Variants in STAT3 observed in about 807,000 individuals in gnomAD.
The protein encoded by STAT3 is signal transducer and activator of transcription 3, also known as DNA-binding protein APRF.
STAT3 carries 7 observed loss-of-function variants against 114.3 expected under a neutral mutation model. That is an observed-to-expected ratio of 0.06 (90% CI 0.03 to 0.11). The LOEUF (loss-of-function observed/expected upper bound fraction) is 0.11, where lower values mean the gene tolerates loss of function less well. Ranked by LOEUF, STAT3 falls within the 10% of genes least tolerant of loss-of-function variation. STAT3 has a pLI of 1.00. For missense variants in STAT3, 364 were observed against 960.9 expected (o/e 0.38, Z 8.21); for synonymous variants, 331 against 354.5 (o/e 0.93, Z 0.74).
chr17:42,379,682 T>A (rs554943236), intron 1 of STAT3, among the ~76,000 whole-genome samples: 1 of 152,292 alleles, frequency 6.6e-6, no homozygotes, highest in South Asian at 2.1e-4. Context: ...ACTTTCTGGG[T>A]CGGGAGCAAT....
chr17:42,327,838 G>A (rs1598402492), intron 14 of STAT3, among the ~76,000 whole-genome samples: 1 of 152,072 alleles, frequency 6.6e-6, no homozygotes, highest in Non-Finnish European at 1.5e-5. Flanking sequence ...ACGAGGTCAG[G>A]AGTTCAAGAC....
At chr17:42,386,295 A>G (rs908647260) in intron 1 of STAT3, among the ~76,000 whole-genome samples, 1 of 151,860 alleles carries the variant, frequency 6.6e-6, no homozygotes, top group East Asian at 1.9e-4. Flanking sequence ...AAAAAAAAAA[A>G]AAGAATTTCA....
At chr17:42,352,338 C>CA (rs1241269911) in intron 1 of STAT3, among the ~76,000 whole-genome samples, 1 of 151,468 alleles carries the variant, frequency 6.6e-6, no homozygotes, top group Non-Finnish European at 1.5e-5. Context: ...GACTCCCTCT[C>CA]AAAAAAAAGC....
At chr17:42,346,979 A>G (rs2082726282) in intron 2 of STAT3, among the ~76,000 whole-genome samples, 1 of 152,074 alleles carries the variant, frequency 6.6e-6, no homozygotes, top group Non-Finnish European at 1.5e-5. Flanking sequence ...ACCTGAGGTC[A>G]GGAGTTCCAG....
rs140563142 is a variant in STAT3 at position 42,362,595 on chromosome 17, G to A, written c.-23-14056C>T. ...ATTTGAATCCTGGTTCCACCACTTC[G>A]ATCACTTAGCGTGTAGCTGGTGCCA... On this transcript the variant is annotated intron_variant, in intron 1 of 23. Coordinates refer to ENST00000264657, the MANE Select transcript of STAT3 (RefSeq NM_139276.3). Among the ~76,000 whole-genome samples, 466 of 152,294 alleles carry A rather than the reference G, an allele frequency of 3.1e-3. 3 individuals carry two copies. Among genetic ancestry groups the A allele is most frequent in the African/African-American group, 0.011 (448 of 41,558 alleles).
intron 10 of STAT3, among the ~76,000 whole-genome samples, chr17:42,332,303 G>C (rs1567716828): frequency 2.0e-5 from 3 of 148,234 alleles, no homozygotes. Flanking sequence ...ACTTTGGGAG[G>C]CCAAGGCAGG....
At chr17:42,343,002 CAA>C (rs757011535) in intron 4 of STAT3, among the ~76,000 whole-genome samples, 20 of 115,560 alleles carry the variant, frequency 1.7e-4, no homozygotes, top group Admixed American at 9.0e-5. Context: ...CCATCTCTAC[CAA>C]AAAAAAAAAA....
At chr17:42,377,369 C>A (rs2084527282) in intron 1 of STAT3, among the ~76,000 whole-genome samples, 1 of 152,166 alleles carries the variant, frequency 6.6e-6, no homozygotes, top group Non-Finnish European at 1.5e-5. Flanking sequence ...CAGGCACACA[C>A]TACCATGCCT....
intron 21 of STAT3, 121 bp downstream of exon 21, chr17:42,322,161 C>T: frequency 1.1e-6 from 1 of 948,004 alleles, no homozygotes. Flanking sequence ...CAATTCTTTC[C>T]CATAAGGAGA....
In STAT3 at chr17:42,333,039, G is replaced by C. The variant is rs1029060750; in HGVS notation, c.1049+634C>G. ...ATGAGTATCACTCCTTCAAGCCAAA[G>C]GTACTGAGAAAACATCTAAGAACTA... On this transcript the variant is annotated intron_variant, in intron 10 of 23. Coordinates refer to ENST00000264657, the MANE Select transcript of STAT3 (RefSeq NM_139276.3). This position sits in a 1 kb window ranked among gnomAD's most constrained non-coding sequence, Gnocchi z 5.2. Among the ~76,000 whole-genome samples the C allele has an allele frequency of 6.6e-6, 1 of 152,116 alleles. No homozygotes were observed. Among genetic ancestry groups the C allele is most frequent in the Non-Finnish European group, 1.5e-5 (1 of 68,008 alleles).
rs2082269780 is a variant in STAT3, at chr17:42,337,312, T to C, written c.797+123A>G. 8 of 1,408,784 alleles carry C rather than the reference T, an allele frequency of 5.7e-6. No homozygotes were observed. The Admixed American group carries it at 1.0e-4, about 18-fold the overall frequency. The allele number at this position is 1,408,784 out of a possible 1,614,324, so 87.3% of individuals were successfully genotyped here. A position where few individuals can be genotyped will look rare whatever the true frequency, so the allele number is the denominator to read the frequency against. ...AAAGTAAAAACTTTAATTCTTGGGC[T>C]AAATTTGAATATGGAAAAGTCCCCA... is the stretch of plus-strand genomic sequence containing the variant. On this transcript the variant is annotated intron_variant, in intron 8 of 23. Coordinates refer to ENST00000264657, the MANE Select transcript of STAT3 (RefSeq NM_139276.3). This position sits in a 1 kb window ranked among gnomAD's most constrained non-coding sequence, Gnocchi z 4.0.
intron 1 of STAT3, among the ~76,000 whole-genome samples, chr17:42,367,912 G>A (rs1324218856): frequency 6.6e-6 from 1 of 152,232 alleles, no homozygotes; most frequent in Non-Finnish European, 1.5e-5. Context: ...AGTACCATAG[G>A]AGGTTAATTC....
At chr17:42,363,223 C>T (rs113862816) in intron 1 of STAT3, among the ~76,000 whole-genome samples, 4,379 of 152,296 alleles carry the variant, frequency 0.029, 100 homozygotes, top group African/African-American at 0.059. Flanking sequence ...AATAGGCCAA[C>T]TCTTCCAGTT....
intron 10 of STAT3, among the ~76,000 whole-genome samples, chr17:42,331,927 CTCTT>C (rs2082027219): frequency 6.6e-6 from 1 of 151,326 alleles, no homozygotes; most frequent in East Asian, 1.9e-4. Flanking sequence ...GATCCTATCT[CTCTT>C]TCTCTTTTTT....
intron 1 of STAT3, among the ~76,000 whole-genome samples, chr17:42,356,321 T>C (rs1426629360): frequency 6.6e-6 from 1 of 151,946 alleles, no homozygotes; most frequent in African/African-American, 2.4e-5. Context: ...TGTTGCCAGG[T>C]GTGGTGGTCT....
At chr17:42,368,205 G>T (rs2083908637) in intron 1 of STAT3, among the ~76,000 whole-genome samples, 1 of 151,384 alleles carries the variant, frequency 6.6e-6, no homozygotes, top group Non-Finnish European at 1.5e-5. Context: ...AGCCTCAAAA[G>T]AAAAAAAATA....
intron 1 of STAT3, among the ~76,000 whole-genome samples, chr17:42,356,554 C>A (rs976086138): frequency 7.2e-6 from 1 of 139,178 alleles, no homozygotes; most frequent in African/African-American, 2.9e-5. Flanking sequence ...TTTTTTTTTA[C>A]ATTGGAGTCA....
intron 1 of STAT3, among the ~76,000 whole-genome samples, chr17:42,373,662 G>T (rs1272064044): frequency 6.6e-6 from 1 of 151,948 alleles, no homozygotes; most frequent in Non-Finnish European, 1.5e-5. Flanking sequence ...GGCCGAGGCG[G>T]GTGGATCACG....
intron 1 of STAT3, among the ~76,000 whole-genome samples, chr17:42,352,385 G>T (rs547463551): frequency 1.2e-4 from 19 of 152,030 alleles, no homozygotes; most frequent in Non-Finnish European, 2.2e-4. Flanking sequence ...AGATTCACCT[G>T]CCACAGGACA....
Sources: allele counts gnomAD v4.1 joint callset (sites outside exome capture counted in the v4.1 genomes callset), GRCh38; gene constraint gnomAD v4.1.1; non-coding constraint Gnocchi (gnomAD v3.1); transcripts MANE v1.5; gene names NCBI Gene and HGNC (gene_info 2026-07-23, HGNC 2026-07-21).